L3MBTL3: variants seen among roughly 807,000 people sequenced by gnomAD.
L3MBTL3 encodes the protein lethal(3)malignant brain tumor-like protein 3.
A neutral mutation model predicts 102.3 loss-of-function variants in L3MBTL3; 27 were observed. That is an observed-to-expected ratio of 0.26 (90% CI 0.19 to 0.36). L3MBTL3 has a LOEUF of 0.36. Among genes scored for constraint, L3MBTL3 ranks in the 10% least tolerant of loss-of-function variants. The pLI is 1.00. For synonymous variants in L3MBTL3, 340 were observed against 320.9 expected (o/e 1.06, Z -0.64); for missense variants, 798 against 955.3 (o/e 0.84, Z 2.17).
chr6:130,124,021 A>G (rs1182589247), intron 20 of L3MBTL3, among the ~76,000 whole-genome samples: 1 of 152,098 alleles, frequency 6.6e-6, no homozygotes, highest in Non-Finnish European at 1.5e-5. Context: ...ACAGTGAGAG[A>G]GCAAAAGAAG....
At chr6:130,060,247 C>G (rs1304428110) in intron 10 of L3MBTL3, 107 bp downstream of exon 10, 8 of 645,640 alleles carry the variant, frequency 1.2e-5, no homozygotes, top group Non-Finnish European at 1.9e-5. Context: ...ATGGTGCTTA[C>G]TGTTTTGTGT....
At position 130,121,830 on chromosome 6, in the gene L3MBTL3, G is replaced by A. The variant is rs535373885; in HGVS notation, c.1966+872G>A. On this transcript the variant is annotated intron_variant, in intron 20 of 22. Coordinates refer to ENST00000361794, the MANE Select transcript of L3MBTL3 (RefSeq NM_032438.4). Reference sequence around the variant, plus strand: ...GGAGGCCAAGGCAGGCAGATCACCTGAGGTCAGGAGTTTGAGACCAGCCTG... The same window carrying A: ...GGAGGCCAAGGCAGGCAGATCACCTAAGGTCAGGAGTTTGAGACCAGCCTG... Among the ~76,000 whole-genome samples, 24 of 152,296 alleles carry A rather than the reference G, an allele frequency of 1.6e-4. 1 individual carries two copies. Among genetic ancestry groups the A allele is most frequent in the Non-Finnish European group, 3.5e-4 (24 of 68,014 alleles).
At chr6:130,065,264 G>A (rs756452100) in intron 10 of L3MBTL3, among the ~76,000 whole-genome samples, 7 of 151,778 alleles carry the variant, frequency 4.6e-5, no homozygotes, top group Admixed American at 3.9e-4. Context: ...ATATACCTCC[G>A]GACTTCTTTT....
intron 19 of L3MBTL3, among the ~76,000 whole-genome samples, chr6:130,115,383 C>T (rs997641218): frequency 4.6e-5 from 7 of 152,222 alleles, no homozygotes; most frequent in African/African-American, 1.7e-4. Context: ...CTGCATCTGC[C>T]TCCTTTCCTG....
intron 19 of L3MBTL3, among the ~76,000 whole-genome samples, chr6:130,119,980 G>A (rs533742414): frequency 3.3e-5 from 5 of 152,182 alleles, no homozygotes; most frequent in Admixed American, 1.3e-4. Flanking sequence ...TATTTGCCCC[G>A]TTATTAAAAC....
At chr6:130,085,991 G>A in intron 15 of L3MBTL3, 149 bp from the exon 16 acceptor site, 1 of 554,894 alleles carries the variant, frequency 1.8e-6, no homozygotes, top group Non-Finnish European at 3.2e-6. Flanking sequence ...GGCCTCAAGT[G>A]ATCCGCCCGC....
intron 20 of L3MBTL3, among the ~76,000 whole-genome samples, chr6:130,124,291 G>A (rs1178278493): frequency 6.6e-6 from 1 of 152,154 alleles, no homozygotes; most frequent in African/African-American, 2.4e-5. Flanking sequence ...CAGGGAGAAT[G>A]AAGCCCTGGT....
At chr6:130,052,099 T>C (rs1781133682) in intron 6 of L3MBTL3, among the ~76,000 whole-genome samples, 2 of 151,954 alleles carry the variant, frequency 1.3e-5, no homozygotes, top group African/African-American at 4.8e-5. Context: ...GCTTGGGAAA[T>C]GTTTTCTTTT....
At chr6:130,135,068 T>C (rs901632174) in intron 22 of L3MBTL3, among the ~76,000 whole-genome samples, 5 of 150,432 alleles carry the variant, frequency 3.3e-5, no homozygotes, top group Non-Finnish European at 1.5e-5. Context: ...TTCTGTTTTT[T>C]CCTTTTTTTT....
chr6:130,133,694 G>T lies in L3MBTL3; in HGVS notation c.2136+73G>T. On this transcript the variant is annotated intron_variant, in intron 21 of 22. Coordinates refer to ENST00000361794, the MANE Select transcript of L3MBTL3 (RefSeq NM_032438.4). This position sits in a 1 kb window ranked among gnomAD's most constrained non-coding sequence, Gnocchi z 4.9. ...GCTTAAGAGGTGTGGAACATTGAGC[G>T]TAGGTAGCGTTTAGTCTTTTTTTTT... The T allele has an allele frequency of 6.4e-7, 1 of 1,556,764 alleles. No individual in the cohort carries two copies. The highest frequency in any genetic ancestry group is 2.3e-5 in the East Asian group (1 of 44,268).
chr6:130,062,697 C>A (rs1781978349), intron 10 of L3MBTL3, among the ~76,000 whole-genome samples: 1 of 151,128 alleles, frequency 6.6e-6, no homozygotes, highest in African/African-American at 2.4e-5. Flanking sequence ...ACCTGGCATA[C>A]ATATTCTTTA....
chr6:130,039,067 T>A lies in L3MBTL3; in HGVS notation c.-15-3618T>A, dbSNP rs1010346958. Among the ~76,000 whole-genome samples, 26 of 152,258 alleles carry A rather than the reference T, an allele frequency of 1.7e-4. 1 individual carries two copies. Among genetic ancestry groups the A allele is most frequent in the African/African-American group, 6.0e-4 (25 of 41,562 alleles). ...TATATATGTAAGGAGACTGCACTTT[T>A]AAAAATCTTGAATTTTTGAACAAAA... On this transcript the variant is annotated intron_variant, in intron 2 of 22. Transcript: ENST00000361794.
At chr6:130,083,051 A>G (rs1342870179) in intron 14 of L3MBTL3, among the ~76,000 whole-genome samples, 1 of 152,196 alleles carries the variant, frequency 6.6e-6, no homozygotes, top group Non-Finnish European at 1.5e-5. Context: ...GGAGGGAACA[A>G]AAGAGGGCAG....
chr6:130,022,956 T>C (rs775801368), intron 2 of L3MBTL3, among the ~76,000 whole-genome samples: 2 of 152,216 alleles, frequency 1.3e-5, no homozygotes, highest in East Asian at 1.9e-4. Flanking sequence ...TCCAGGTCCT[T>C]CTTTTAGGGC....
intron 10 of L3MBTL3, among the ~76,000 whole-genome samples, chr6:130,062,485 A>T (rs1781958068): frequency 6.6e-6 from 1 of 151,530 alleles, no homozygotes; most frequent in Non-Finnish European, 1.5e-5. Context: ...TTCTGGGCAC[A>T]AGAGGTCCTC....
intron 20 of L3MBTL3, among the ~76,000 whole-genome samples, chr6:130,123,488 T>G (rs888221347): frequency 1.8e-4 from 27 of 152,310 alleles, no homozygotes; most frequent in Admixed American, 1.4e-3. Context: ...CATATTTTTA[T>G]AGGTGAGATT....
chr6:130,108,529 G>T (rs375123384), intron 19 of L3MBTL3, among the ~76,000 whole-genome samples: 1 of 151,898 alleles, frequency 6.6e-6, no homozygotes, highest in African/African-American at 2.4e-5. Context: ...CAATGTCCCC[G>T]GCCAAATGTT....
Position 130,092,747 on chromosome 6 carries a change from T to C in L3MBTL3, c.1521T>C (p.Val507=), listed in dbSNP as rs1042536013. The C allele has an allele frequency of 2.5e-6, 4 of 1,600,190 alleles. No individual in the cohort carries two copies. Among genetic ancestry groups the C allele is most frequent in the Non-Finnish European group, 2.6e-6 (3 of 1,167,608 alleles). The change falls in exon 17 of 23, where the codon GTT becomes GTC. Residue 507 remains valine (V), a splice_region_variant and synonymous_variant. Coordinates refer to ENST00000361794, the MANE Select transcript of L3MBTL3 (RefSeq NM_032438.4). The part of the protein sequence containing the change: ...VADTDDHRVK[V]HFDGWNNCYD... ...GTTAATGTCCTTGTGTCATCCAGGT[T>C]CACTTTGATGGCTGGAACAATTGCT...
chr6:130,070,993 C>T lies in L3MBTL3; in HGVS notation c.1110C>T (p.Gly370=). ...TTCCATAGACAGTGATCCCATCGGG[C>T]TTTCGAGTTGGTATGAAGCTTGAGG... is the stretch of plus-strand genomic sequence containing the variant. ...ENQNITVIPS[G]FRVGMKLEAV... The change falls in exon 13 of 23, where the codon GGC becomes GGT. Residue 370 remains glycine (G), a synonymous_variant. Coordinates refer to ENST00000361794, the MANE Select transcript of L3MBTL3 (RefSeq NM_032438.4). The T allele has an allele frequency of 6.2e-7, 1 of 1,613,108 alleles. No individual in the cohort carries two copies. The highest frequency in any genetic ancestry group is 8.5e-7 in the Non-Finnish European group (1 of 1,179,442).
Sources: allele counts gnomAD v4.1 joint callset (sites outside exome capture counted in the v4.1 genomes callset), GRCh38; gene constraint gnomAD v4.1.1; non-coding constraint Gnocchi (gnomAD v3.1); transcripts MANE v1.5; gene names NCBI Gene and HGNC (gene_info 2026-07-23, HGNC 2026-07-21).